ATP10A: variants seen among roughly 807,000 people sequenced by gnomAD.
ATP10A encodes the protein phospholipid-transporting ATPase VA.
Under a neutral mutation model 147.8 loss-of-function variants are expected in ATP10A, and 111 were observed. That is an observed-to-expected ratio of 0.75 (90% confidence interval 0.64 to 0.88). The LOEUF is 0.88. ATP10A is among the 40% of genes least tolerant of loss of function. ATP10A has a pLI of 0.00. For synonymous variants in ATP10A, 875 were observed against 841.6 expected (o/e 1.04, Z -0.69); for missense variants, 1,927 against 1,959.0 (o/e 0.98, Z 0.31).
chr15:25,740,379 C>CCAGCAGGGACCCTGCCTAA (rs1320343174), intron 2 of ATP10A, among the ~76,000 whole-genome samples: 2 of 152,214 alleles, frequency 1.3e-5, no homozygotes, highest in Non-Finnish European at 2.9e-5. Flanking sequence ...GCCTAACGCT[C>CCAGCAGGGACCCTGCCTAA]CAGGTGGAAA....
chr15:25,864,098 C>A (rs1195324699), upstream of ATP10A, among the ~76,000 whole-genome samples: 1 of 152,026 alleles, frequency 6.6e-6, no homozygotes, highest in Admixed American at 6.6e-5. Context: ...TGTCATGGCC[C>A]GGACGGCGGG....
intron 2 of ATP10A, among the ~76,000 whole-genome samples, chr15:25,759,769 A>G (rs1417342252): frequency 4.0e-5 from 6 of 151,054 alleles, no homozygotes; most frequent in African/African-American, 1.5e-4. Context: ...AGATCACACT[A>G]CTGTACTCCA....
In ATP10A at chr15:25,862,633, G is replaced by A. The variant is rs1893815761; in HGVS notation, c.449+15C>T. On this transcript the variant is annotated intron_variant, in intron 1 of 20. Coordinates refer to ENST00000555815, the MANE Select transcript of ATP10A (RefSeq NM_024490.4). ...TGCGCCACCGCGCGCTCGCTCGCCC[G>A]CCCGCCCAACTCACCTGCTGAAGAC... The A allele has an allele frequency of 6.5e-7, 1 of 1,542,406 alleles. No individual in the cohort carries two copies. The highest frequency in any genetic ancestry group is 8.7e-7 in the Non-Finnish European group (1 of 1,144,546).
chr15:25,685,116 T>C (rs1313454128), intron 16 of ATP10A, among the ~76,000 whole-genome samples: 1 of 152,176 alleles, frequency 6.6e-6, no homozygotes, highest in African/African-American at 2.4e-5. Context: ...AGATTTTTTT[T>C]CCTATAGTAC....
intron 2 of ATP10A, among the ~76,000 whole-genome samples, chr15:25,769,821 T>C (rs556048808): frequency 1.3e-5 from 2 of 152,312 alleles, no homozygotes; most frequent in Admixed American, 1.3e-4. Flanking sequence ...GTTCAAATCC[T>C]AACCCTGGAT....
intron 5 of ATP10A, among the ~76,000 whole-genome samples, chr15:25,724,969 C>A (rs1489128109): frequency 1.3e-5 from 2 of 152,156 alleles, no homozygotes; most frequent in Admixed American, 1.3e-4. Flanking sequence ...TTATAAGTAA[C>A]CTAGAGGTGA....
intron 1 of ATP10A, among the ~76,000 whole-genome samples, chr15:25,855,643 G>A (rs915298918): frequency 6.6e-6 from 1 of 152,014 alleles, no homozygotes; most frequent in African/African-American, 2.4e-5. Flanking sequence ...TCAGGAGCAA[G>A]AGAAGGACAT....
At chr15:25,762,743 C>T (rs558676238) in intron 2 of ATP10A, among the ~76,000 whole-genome samples, 62 of 152,034 alleles carry the variant, frequency 4.1e-4, no homozygotes, top group African/African-American at 1.4e-3. Flanking sequence ...CCATGCCCAG[C>T]TAAGTTGTAA....
In ATP10A at chr15:25,787,203, G is replaced by T. The variant is rs770267288; in HGVS notation, c.450-5980C>A. ...AGCACATCTGATCTGGTAGCCTAAA[G>T]GAGGAATATCTCATGAAGACTATAA... On this transcript the variant is annotated intron_variant, in intron 1 of 20. Coordinates refer to ENST00000555815, the MANE Select transcript of ATP10A (RefSeq NM_024490.4). 9.0e-4 allele frequency among the ~76,000 whole-genome samples: 137 copies of T among 152,114 alleles called. 1 individual carries two copies. Among genetic ancestry groups the T allele is most frequent in the Non-Finnish European group, 1.6e-3 (108 of 68,016 alleles).
At chr15:25,800,751 G>A (rs934103645) in intron 1 of ATP10A, among the ~76,000 whole-genome samples, 1 of 152,284 alleles carries the variant, frequency 6.6e-6, no homozygotes, top group East Asian at 1.9e-4. Context: ...GGCCCCTGAG[G>A]CTTCCCACCT....
rs556277811 is a variant in ATP10A at position 25,690,400 on chromosome 15, C to T, written c.3165+1315G>A. The stretch of plus-strand genomic sequence containing the variant: ...CTGGGACTACAGGCATGGGCCACCA[C>T]GCTGGGGTTTTTGCATTTTTAGTAG... On this transcript the variant is annotated intron_variant, in intron 15 of 20. Transcript: ENST00000555815. Among the ~76,000 whole-genome samples the T allele has an allele frequency of 2.9e-3, 436 of 152,300 alleles. 1 individual carries two copies. Among genetic ancestry groups the T allele is most frequent in the Non-Finnish European group, 5.0e-3 (341 of 68,036 alleles).
chr15:25,727,811 A>G (rs1902673376), intron 3 of ATP10A, among the ~76,000 whole-genome samples: 1 of 152,226 alleles, frequency 6.6e-6, no homozygotes, highest in African/African-American at 2.4e-5. Flanking sequence ...ACAATTCTAT[A>G]AATTCTGTTT....
At chr15:25,813,624 T>C (rs983629803) in intron 1 of ATP10A, among the ~76,000 whole-genome samples, 3 of 152,134 alleles carry the variant, frequency 2.0e-5, no homozygotes, top group Non-Finnish European at 4.4e-5. Context: ...TTGTGAAATA[T>C]CCCTGTGTCC....
chr15:25,694,079 G>T (rs1900177889), intron 14 of ATP10A, among the ~76,000 whole-genome samples: 1 of 152,038 alleles, frequency 6.6e-6, no homozygotes, highest in African/African-American at 2.4e-5. Flanking sequence ...CTCACCAGGA[G>T]GTGGTGCTGC....
intron 1 of ATP10A, among the ~76,000 whole-genome samples, chr15:25,799,745 T>A (rs1265059900): frequency 1.3e-5 from 2 of 151,954 alleles, no homozygotes. Flanking sequence ...AATAAATAAA[T>A]AGAAGTAAAA....
chr15:25,723,359 A>G (rs962346347), intron 6 of ATP10A, among the ~76,000 whole-genome samples: 3 of 35,684 alleles, frequency 8.4e-5, no homozygotes, highest in African/African-American at 1.5e-4. Context: ...AAAAAAAAGA[A>G]AAAGAGAAAA....
intron 1 of ATP10A, among the ~76,000 whole-genome samples, chr15:25,787,360 TC>T (rs1202070655): frequency 1.3e-5 from 2 of 152,132 alleles, no homozygotes; most frequent in East Asian, 3.9e-4. Context: ...ACATCTGTAA[TC>T]CCAGCACTTT....
At position 25,862,791 on chromosome 15, in the gene ATP10A, C is replaced by T; in HGVS notation, c.306G>A (p.Ala102=). 1 of 1,610,340 alleles carries T rather than the reference C, an allele frequency of 6.2e-7. No homozygotes were observed. The highest frequency in any genetic ancestry group is 8.5e-7 in the Non-Finnish European group (1 of 1,178,242). The change falls in exon 1 of 21, where the codon GCG becomes GCA. Residue 102 remains alanine, a synonymous_variant. Transcript: ENST00000555815. The part of the protein sequence containing the change: ...VFIALLNFVP[A]VNAFQPGLAL... ...CCAGGCCGGGCTGGAAGGCGTTCACCGCCGGCACGAAGTTGAGCAGCGCGA... is the reference window on the plus strand; with the variant it reads ...CCAGGCCGGGCTGGAAGGCGTTCACTGCCGGCACGAAGTTGAGCAGCGCGA...
Position 25,708,025 on chromosome 15 carries a change from C to T in ATP10A, c.2526G>A (p.Glu842=), listed in dbSNP as rs753680128. The change falls in exon 12 of 21, where the codon GAG becomes GAA. Residue 842 remains glutamate, a synonymous_variant. Transcript: ENST00000555815. Reference sequence around the variant, plus strand: ...GGCGAATGGCAGACTGGAAGAGGAGCTCCTCGCTGTTTTCCAGGGAGGATT... The same window carrying T: ...GGCGAATGGCAGACTGGAAGAGGAGTTCCTCGCTGTTTTCCAGGGAGGATT... ...EAESSLENSE[E]LLFQSAIRLE... The T allele has an allele frequency of 3.1e-6, 5 of 1,614,076 alleles. No individual in the cohort carries two copies. The East Asian group carries it at 8.9e-5, about 29-fold the overall frequency.
Sources: allele counts gnomAD v4.1 joint callset (sites outside exome capture counted in the v4.1 genomes callset), GRCh38; gene constraint gnomAD v4.1.1; transcripts MANE v1.5; gene names NCBI Gene and HGNC (gene_info 2026-07-23, HGNC 2026-07-21).